The following SUMF1 variants were observed in gnomAD, a reference collection of about 807,000 sequenced individuals.
SUMF1 encodes sulfatase modifying factor 1.
SUMF1 carries 48 observed loss-of-function variants against 47.6 expected under a neutral mutation model. That is an observed-to-expected ratio of 1.01 (90% CI 0.80 to 1.28). The LOEUF (loss-of-function observed/expected upper bound fraction) is 1.28, where lower values mean the gene tolerates loss of function less well. SUMF1 is among the 50% of genes most tolerant of loss of function. The pLI, the probability that SUMF1 is intolerant of heterozygous loss-of-function variation, is 0.00. For synonymous variants in SUMF1, 230 were observed against 192.1 expected (o/e 1.20, Z -1.63); for missense variants, 571 against 485.4 (o/e 1.18, Z -1.66).
At chr3:4,188,188 T>G (rs555454604) in intron 8 of SUMF1, among the ~76,000 whole-genome samples, 1 of 151,994 alleles carries the variant, frequency 6.6e-6, no homozygotes, top group Non-Finnish European at 1.5e-5. Flanking sequence ...ACTTTTTTTT[T>G]TTTTTGAGAC....
At chr3:4,451,355 T>C (rs748341603) in intron 2 of SUMF1, among the ~76,000 whole-genome samples, 2 of 152,234 alleles carry the variant, frequency 1.3e-5, no homozygotes, top group Non-Finnish European at 2.9e-5. Flanking sequence ...TGCTGTGGTT[T>C]GCTGTTTGCA....
chr3:4,244,257 A>G (rs1438827561), intron 8 of SUMF1, among the ~76,000 whole-genome samples: 1 of 152,224 alleles, frequency 6.6e-6, no homozygotes, highest in East Asian at 1.9e-4. Context: ...GCCCATTTAC[A>G]TTAAAGGTTA....
chr3:4,333,497 T>G (rs1279280297), intron 8 of SUMF1, among the ~76,000 whole-genome samples: 2 of 152,134 alleles, frequency 1.3e-5, no homozygotes, highest in South Asian at 4.1e-4. Context: ...GAGAAGCAGG[T>G]ATAGCTGGAA....
intron 1 of SUMF1, among the ~76,000 whole-genome samples, chr3:4,454,062 A>G (rs1703071127): frequency 6.6e-6 from 1 of 152,220 alleles, no homozygotes; most frequent in African/African-American, 2.4e-5. Flanking sequence ...ATATCTTTAA[A>G]TAACCACTGC....
intron 8 of SUMF1, among the ~76,000 whole-genome samples, chr3:4,208,350 T>A (rs549219025): frequency 6.1e-4 from 93 of 152,032 alleles, no homozygotes; most frequent in East Asian, 1.4e-3. Context: ...ATAGGACTAA[T>A]GTTTTCCCTC....
intron 7 of SUMF1, among the ~76,000 whole-genome samples, chr3:4,400,573 AT>A (rs1415904404): frequency 6.6e-6 from 1 of 152,204 alleles, no homozygotes; most frequent in African/African-American, 2.4e-5. Flanking sequence ...AGGGGAAAGG[AT>A]TTTCCAAAGG....
chr3:4,167,299 T>C (rs984271430), intron 8 of SUMF1, among the ~76,000 whole-genome samples: 1 of 152,178 alleles, frequency 6.6e-6, no homozygotes, highest in African/African-American at 2.4e-5. Context: ...CCAGCTTTTA[T>C]TCCCTTATTT....
At chr3:4,039,949 G>A (rs931111082) in intron 9 of SUMF1, among the ~76,000 whole-genome samples, 2 of 152,116 alleles carry the variant, frequency 1.3e-5, no homozygotes, top group Non-Finnish European at 2.9e-5. Context: ...CTTGAGCCCA[G>A]GAGTTAAGGC....
At chr3:4,082,650 T>C (rs1320004507) in intron 8 of SUMF1, among the ~76,000 whole-genome samples, 1 of 152,136 alleles carries the variant, frequency 6.6e-6, no homozygotes, top group Non-Finnish European at 1.5e-5. Flanking sequence ...CATTTTAAAA[T>C]TATTAATCTA....
chr3:4,039,621 A>G (rs1056755094), intron 9 of SUMF1, among the ~76,000 whole-genome samples: 3 of 147,804 alleles, frequency 2.0e-5, no homozygotes, highest in Non-Finnish European at 4.4e-5. Context: ...CCAGTCTATC[A>G]TTGTTGGACA....
At chr3:4,220,859 T>A (rs1269814836) in intron 8 of SUMF1, among the ~76,000 whole-genome samples, 5 of 152,090 alleles carry the variant, frequency 3.3e-5, no homozygotes, top group Admixed American at 2.0e-4. Context: ...TCCAGCAACA[T>A]GAAAGTTTAA....
At chr3:4,385,291 GC>G (rs1166170285) in intron 7 of SUMF1, among the ~76,000 whole-genome samples, 2 of 152,166 alleles carry the variant, frequency 1.3e-5, no homozygotes, top group African/African-American at 4.8e-5. Context: ...CTGTATCCTA[GC>G]CAGTCACTAC....
At chr3:4,142,911 G>T (rs1208819276) in intron 8 of SUMF1, among the ~76,000 whole-genome samples, 1 of 152,020 alleles carries the variant, frequency 6.6e-6, no homozygotes, top group Non-Finnish European at 1.5e-5. Context: ...TCCCAAAAAA[G>T]AGAAGGTAGT....
At position 4,085,023 on chromosome 3, in the gene SUMF1, A is replaced by G. The variant is rs190111409; in HGVS notation, c.1015-16278T>C. Among the ~76,000 whole-genome samples, 648 of 152,194 alleles carry G rather than the reference A, an allele frequency of 4.3e-3. 9 individuals carry two copies. Among genetic ancestry groups the G allele is most frequent in the African/African-American group, 0.014 (576 of 41,492 alleles). ...TTTATTCAGGAAATAGATGATGTCT[A>G]TCTACTCTATGCATATTAAAATAGA... On this transcript the variant is annotated intron_variant and NMD_transcript_variant, in intron 8 of 12. Coordinates refer to the SUMF1 transcript ENST00000448413.
Position 4,369,888 on chromosome 3 carries a change from T to C in SUMF1, c.1014+6442A>G, listed in dbSNP as rs1266981512. 3.3e-5 allele frequency among the ~76,000 whole-genome samples: 5 copies of C among 152,206 alleles called. No homozygotes were observed. The East Asian group carries it at 9.6e-4, about 29-fold the overall frequency. Reference sequence around the variant, plus strand: ...GGATAGCAAGGCCAGAGCCTGATCATATCAGGGCATGGTTTAATTATTCAC... The same window carrying C: ...GGATAGCAAGGCCAGAGCCTGATCACATCAGGGCATGGTTTAATTATTCAC... On this transcript the variant is annotated intron_variant, in intron 8 of 8. Coordinates refer to ENST00000272902, the MANE Select transcript of SUMF1 (RefSeq NM_182760.4).
intron 6 of SUMF1, among the ~76,000 whole-genome samples, chr3:4,413,959 G>A (rs1051971620): frequency 1.3e-5 from 2 of 152,128 alleles, no homozygotes; most frequent in African/African-American, 2.4e-5. Context: ...TGCCTCCTGG[G>A]TTCAAGCAAT....
At chr3:4,456,861 T>TACGTGTGTATATATAC (rs1491413697) in intron 1 of SUMF1, among the ~76,000 whole-genome samples, 3 of 9,994 alleles carry the variant, frequency 3.0e-4, no homozygotes, top group African/African-American at 1.0e-3. Flanking sequence ...TGTATATATA[T>TACGTGTGTATATATAC]GTGTGTGTAT....
At chr3:4,045,086 T>C (rs1242399112) in intron 9 of SUMF1, among the ~76,000 whole-genome samples, 1 of 152,186 alleles carries the variant, frequency 6.6e-6, no homozygotes, top group Non-Finnish European at 1.5e-5. Flanking sequence ...AACCAAACAC[T>C]AATCTAGGTG....
chr3:4,395,707 G>A (rs1284722641), intron 7 of SUMF1, among the ~76,000 whole-genome samples: 4 of 152,142 alleles, frequency 2.6e-5, no homozygotes, highest in African/African-American at 9.7e-5. Context: ...GATTAGAAAC[G>A]AAGAGAATTT....
Sources: allele counts gnomAD v4.1 joint callset (sites outside exome capture counted in the v4.1 genomes callset), GRCh38; gene constraint gnomAD v4.1.1; transcripts MANE v1.5; gene names NCBI Gene and HGNC (gene_info 2026-07-23, HGNC 2026-07-21).